PDE1C: variants seen among roughly 807,000 people sequenced by gnomAD.
The protein encoded by PDE1C is dual specificity calcium/calmodulin-dependent 3',5'-cyclic nucleotide phosphodiesterase 1C.
A neutral mutation model predicts 93.1 loss-of-function variants in PDE1C; 62 were observed. That is an observed-to-expected ratio of 0.67 (90% CI 0.54 to 0.82). The LOEUF (loss-of-function observed/expected upper bound fraction) is 0.82. Ranked by LOEUF, PDE1C falls within the 40% of genes least tolerant of loss-of-function variation. The pLI, the probability that PDE1C is intolerant of heterozygous loss-of-function variation, is 0.00. For synonymous variants in PDE1C, 325 were observed against 310.1 expected (o/e 1.05, Z -0.50); for missense variants, 742 against 884.6 (o/e 0.84, Z 2.04).
the PDE1C span, among the ~76,000 whole-genome samples, chr7:31,732,611 T>TCTC: frequency 7.0e-6 from 1 of 143,796 alleles, no homozygotes; most frequent in Non-Finnish European, 1.5e-5. Flanking sequence ...CTTTAAATCT[T>TCTC]TCTCTCTCTC....
chr7:32,032,843 C>T lies in PDE1C; in HGVS notation c.128+18711G>A, dbSNP rs145927546. On this transcript the variant is annotated intron_variant, in intron 2 of 17. Transcript: ENST00000396191. ...GGGATCAGAATCCACGTTTTAAAAA[C>T]ATCCCCAGATGATCACATTAAACTT... 9.9e-5 allele frequency among the ~76,000 whole-genome samples: 15 copies of T among 152,234 alleles called. No homozygotes were observed. In the East Asian group the frequency reaches 1.4e-3, roughly 14 times the overall value.
At chr7:32,147,640 A>G (rs1016790679) in intron 3 of PDE1C, among the ~76,000 whole-genome samples, 1 of 152,132 alleles carries the variant, frequency 6.6e-6, no homozygotes, top group African/African-American at 2.4e-5. Context: ...CATTTTAGCC[A>G]AAACAATCCC....
At chr7:32,181,960 C>A (rs1333978273) in intron 2 of PDE1C, among the ~76,000 whole-genome samples, 1 of 151,948 alleles carries the variant, frequency 6.6e-6, no homozygotes, top group African/African-American at 2.4e-5. Flanking sequence ...AAAAATGATA[C>A]AGGGGATATC....
chr7:31,705,454 T>C, the PDE1C span, among the ~76,000 whole-genome samples: 1 of 150,268 alleles, frequency 6.7e-6, no homozygotes, highest in Non-Finnish European at 1.5e-5. Context: ...GTGCAGCTGG[T>C]GTACGAGAAA....
chr7:31,747,214 C>T (rs951829854), downstream of PDE1C, among the ~76,000 whole-genome samples: 9 of 152,140 alleles, frequency 5.9e-5, no homozygotes, highest in South Asian at 1.2e-3. Flanking sequence ...CAACACAATG[C>T]ATGGAAAAAA....
chr7:32,311,522 C>T (rs1783040465), intron 1 of PDE1C, among the ~76,000 whole-genome samples: 1 of 152,108 alleles, frequency 6.6e-6, no homozygotes, highest in East Asian at 1.9e-4. Context: ...ACTGGCAAAC[C>T]AAATCCAGCA....
At chr7:32,270,085 AC>A (rs2128885691) in intron 1 of PDE1C, among the ~76,000 whole-genome samples, 1 of 152,236 alleles carries the variant, frequency 6.6e-6, no homozygotes, top group East Asian at 1.9e-4. Flanking sequence ...AAAGTAGGGC[AC>A]CCAATTGAAA....
chr7:31,727,088 C>T, the PDE1C span, among the ~76,000 whole-genome samples: 1 of 152,080 alleles, frequency 6.6e-6, no homozygotes, highest in Non-Finnish European at 1.5e-5. Flanking sequence ...TAGAATTCCC[C>T]TTATTTTCTG....
chr7:31,638,037 C>T, the PDE1C span, among the ~76,000 whole-genome samples: 5 of 152,144 alleles, frequency 3.3e-5, no homozygotes, highest in Non-Finnish European at 5.9e-5. Context: ...GGGCTGCCCT[C>T]TCAACAGGTT....
At chr7:31,924,452 T>C (rs972707918) in intron 2 of PDE1C, among the ~76,000 whole-genome samples, 16 of 152,232 alleles carry the variant, frequency 1.1e-4, no homozygotes, top group African/African-American at 3.9e-4. Context: ...CAGCTTTGAA[T>C]TCCAACTTCA....
chr7:31,716,189 T>C, the PDE1C span, among the ~76,000 whole-genome samples: 4 of 152,192 alleles, frequency 2.6e-5, no homozygotes, highest in Non-Finnish European at 5.9e-5. Context: ...ATATAAGTGC[T>C]AGCCTTGTCT....
At chr7:32,033,948 C>G (rs75750340) in intron 2 of PDE1C, among the ~76,000 whole-genome samples, 476 of 152,214 alleles carry the variant, frequency 3.1e-3, no homozygotes, top group African/African-American at 0.011. Flanking sequence ...GGACTGCTCT[C>G]TATCAGTAGA....
At chr7:31,804,464 T>C (rs768138550) in intron 16 of PDE1C, among the ~76,000 whole-genome samples, 2 of 151,792 alleles carry the variant, frequency 1.3e-5, no homozygotes, top group Non-Finnish European at 2.9e-5. Context: ...AGTTTCCCTT[T>C]ACACACAGAG....
Position 31,772,369 on chromosome 7 carries a change from G to T in PDE1C, c.1960+3295C>A, listed in dbSNP as rs529477167. On this transcript the variant is annotated intron_variant, in intron 17 of 17. Transcript: ENST00000396191. ...TGTCCACCCCATGTCCTGTATTCAG[G>T]TTATAGCCCTAGCTCTGATTCCCAG... Among the ~76,000 whole-genome samples, 5 of 152,234 alleles carry T rather than the reference G, an allele frequency of 3.3e-5. No homozygotes were observed. The East Asian group carries it at 5.8e-4, about 18-fold the overall frequency.
chr7:32,205,648 T>C (rs1805395032), intron 2 of PDE1C, among the ~76,000 whole-genome samples: 1 of 152,158 alleles, frequency 6.6e-6, no homozygotes, highest in African/African-American at 2.4e-5. Flanking sequence ...TGCAGAAGCT[T>C]TGTTCCTTCC....
At chr7:32,414,689 A>G (rs1429608823) in intron 1 of PDE1C, among the ~76,000 whole-genome samples, 1 of 152,220 alleles carries the variant, frequency 6.6e-6, no homozygotes, top group South Asian at 2.1e-4. Flanking sequence ...ACTGATGCCT[A>G]AACAGTTATC....
At chr7:32,376,508 G>A (rs1444702992) in intron 1 of PDE1C, among the ~76,000 whole-genome samples, 1 of 152,170 alleles carries the variant, frequency 6.6e-6, no homozygotes, top group East Asian at 1.9e-4. Context: ...CAGAAGGGAT[G>A]GTTTCTGCTC....
chr7:32,246,442 GC>G, intron 1 of PDE1C, among the ~76,000 whole-genome samples: 1 of 125,206 alleles, frequency 8.0e-6, no homozygotes, highest in Middle Eastern at 4.0e-3. Context: ...TTTCAAGAAA[GC>G]CCAGAAGATC....
Position 31,880,779 on chromosome 7 carries a change from T to G in PDE1C, c.210A>C (p.Thr70=), listed in dbSNP as rs1268720756. Residue 70 remains threonine (T), a synonymous_variant, in exon 3 of 18, where the codon ACA becomes ACC. Coordinates refer to ENST00000396191, the MANE Select transcript of PDE1C (RefSeq NM_001191057.4). ...CATCAATATACACAGATTCAAGCAC[T>G]GTGGCTGCATATTCCAAATTCTTCT... The part of the protein sequence containing the change: ...DLKKNLEYAA[T]VLESVYIDET... The G allele has an allele frequency of 2.5e-6, 4 of 1,608,494 alleles. No homozygotes were observed. The highest frequency in any genetic ancestry group is 3.4e-6 in the Non-Finnish European group (4 of 1,175,038).
Sources: allele counts gnomAD v4.1 joint callset (sites outside exome capture counted in the v4.1 genomes callset), GRCh38; gene constraint gnomAD v4.1.1; transcripts MANE v1.5; gene names NCBI Gene and HGNC (gene_info 2026-07-23, HGNC 2026-07-21).